The following NTM variants were observed in gnomAD, a reference collection of about 807,000 sequenced individuals.
NTM encodes neurotrimin.
A neutral mutation model predicts 42.1 loss-of-function variants in NTM; 13 were observed. That is an observed-to-expected ratio of 0.31 (90% CI 0.20 to 0.49). The LOEUF is 0.49. NTM is among the 20% of genes least tolerant of loss of function. The probability of loss-of-function intolerance (pLI) is 0.99; values close to 1 mark genes in which losing one functional copy is unlikely to be tolerated. For missense variants in NTM, 373 were observed against 452.8 expected (o/e 0.82, Z 1.60); for synonymous variants, 187 against 179.2 (o/e 1.04, Z -0.35).
At chr11:131,823,982 A>G (rs1266608134) in intron 1 of NTM, among the ~76,000 whole-genome samples, 3 of 152,210 alleles carry the variant, frequency 2.0e-5, no homozygotes, top group Non-Finnish European at 4.4e-5. Flanking sequence ...TGTTGGTTGC[A>G]TTTAAGTGCT....
intron 4 of NTM, among the ~76,000 whole-genome samples, chr11:132,225,579 T>C (rs2086060760): frequency 6.6e-6 from 1 of 152,200 alleles, no homozygotes; most frequent in Admixed American, 6.5e-5. Context: ...AGAGCCCCTA[T>C]AGTCAGTTCA....
At chr11:131,457,624 G>C (rs1251022876) in intron 1 of NTM, among the ~76,000 whole-genome samples, 1 of 152,178 alleles carries the variant, frequency 6.6e-6, no homozygotes, top group Non-Finnish European at 1.5e-5. Context: ...AAACGGATAC[G>C]TTAAGTAGGT....
chr11:132,231,174 G>A (rs188150437), intron 4 of NTM, among the ~76,000 whole-genome samples: 16 of 152,264 alleles, frequency 1.1e-4, no homozygotes, highest in Non-Finnish European at 1.5e-4. Flanking sequence ...GTAAAGTGCC[G>A]GATGTGGCAA....
intron 2 of NTM, among the ~76,000 whole-genome samples, chr11:132,120,712 T>G (rs1458565796): frequency 6.6e-6 from 1 of 152,144 alleles, no homozygotes; most frequent in African/African-American, 2.4e-5. Flanking sequence ...GGCGTTAATA[T>G]CCACAGGAGT....
intron 2 of NTM, among the ~76,000 whole-genome samples, chr11:131,947,003 C>T (rs114427396): frequency 0.018 from 2,672 of 152,134 alleles, 87 homozygotes; most frequent in African/African-American, 0.06. Flanking sequence ...TGAAAATTAC[C>T]TAATATAAAG....
chr11:131,485,959 C>G (rs779302958), intron 1 of NTM, among the ~76,000 whole-genome samples: 4 of 152,106 alleles, frequency 2.6e-5, no homozygotes, highest in Non-Finnish European at 5.9e-5. Context: ...CAAATTATTT[C>G]TTTGAGCATG....
chr11:132,235,993 GACACACACACACAC>G (rs367555812), intron 4 of NTM, among the ~76,000 whole-genome samples: 2 of 101,200 alleles, frequency 2.0e-5, no homozygotes. Flanking sequence ...CACACACACA[GACACACACACACAC>G]ACACACACAC....
chr11:131,760,469 G>T (rs530835420), intron 1 of NTM, among the ~76,000 whole-genome samples: 1 of 152,172 alleles, frequency 6.6e-6, no homozygotes, highest in Non-Finnish European at 1.5e-5. Context: ...TCAGCATGGC[G>T]CATTGTTAAA....
At chr11:131,826,727 G>A (rs989548642) in intron 1 of NTM, among the ~76,000 whole-genome samples, 2 of 152,094 alleles carry the variant, frequency 1.3e-5, no homozygotes, top group African/African-American at 4.8e-5. Flanking sequence ...AGGGTGGTTA[G>A]TGGTTCAGTC....
At chr11:132,319,425 C>G (rs1417263674) in intron 7 of NTM, among the ~76,000 whole-genome samples, 1 of 152,222 alleles carries the variant, frequency 6.6e-6, no homozygotes, top group Non-Finnish European at 1.5e-5. Flanking sequence ...CACCCTAATA[C>G]TGTGCTTTTC....
chr11:131,726,122 C>T (rs1303977722), intron 1 of NTM, among the ~76,000 whole-genome samples: 1 of 152,152 alleles, frequency 6.6e-6, no homozygotes, highest in African/African-American at 2.4e-5. Flanking sequence ...GAAAAAATTA[C>T]ATGAGAAAAG....
chr11:131,667,197 G>A (rs188212102), intron 1 of NTM, among the ~76,000 whole-genome samples: 41 of 152,222 alleles, frequency 2.7e-4, no homozygotes, highest in Admixed American at 2.5e-3. Context: ...CCCCAATTCT[G>A]GGCAGAATCT....
intron 1 of NTM, among the ~76,000 whole-genome samples, chr11:131,822,011 T>C (rs191770684): frequency 2.2e-4 from 33 of 152,316 alleles, no homozygotes; most frequent in African/African-American, 6.5e-4. Flanking sequence ...TTCCTTCCTT[T>C]ATCAATAAAA....
At chr11:131,727,943 C>T (rs1333163276) in intron 1 of NTM, among the ~76,000 whole-genome samples, 1 of 152,268 alleles carries the variant, frequency 6.6e-6, no homozygotes, top group East Asian at 1.9e-4. Flanking sequence ...AAATAAGCTG[C>T]ATGAGAGCAG....
chr11:132,233,222 C>T (rs2088011538), intron 4 of NTM, among the ~76,000 whole-genome samples: 1 of 39,434 alleles, frequency 2.5e-5, no homozygotes. Flanking sequence ...TTCAAGACCA[C>T]CTGGCCAACA....
intron 3 of NTM, among the ~76,000 whole-genome samples, chr11:132,186,358 T>C (rs1358942142): frequency 6.6e-6 from 1 of 152,160 alleles, no homozygotes; most frequent in Non-Finnish European, 1.5e-5. Context: ...CCCCTATGAA[T>C]ACACTAGCTT....
At chr11:131,776,384 A>T (rs1350211134) in intron 1 of NTM, among the ~76,000 whole-genome samples, 1 of 152,162 alleles carries the variant, frequency 6.6e-6, no homozygotes, top group East Asian at 1.9e-4. Context: ...AGAGCAACAT[A>T]TGCTAGCATT....
chr11:132,313,143 A>C (rs558459076), intron 6 of NTM, among the ~76,000 whole-genome samples: 4 of 148,972 alleles, frequency 2.7e-5, no homozygotes, highest in African/African-American at 4.9e-5. Context: ...AGGTCTTCAG[A>C]TAATGACAAA....
At position 131,992,553 on chromosome 11, in the gene NTM, C is replaced by A. The variant is rs147363410; in HGVS notation, c.167+80905C>A. On this transcript the variant is annotated intron_variant, in intron 2 of 8. Coordinates refer to ENST00000683400, the MANE Select transcript of NTM (RefSeq NM_001352005.2). Reference sequence around the variant, plus strand: ...AGGACAGGAATCGCATCAGGGACCTCAATTCTGCTGTTTTCTCATGGCTTT... The same window carrying A: ...AGGACAGGAATCGCATCAGGGACCTAAATTCTGCTGTTTTCTCATGGCTTT... Among the ~76,000 whole-genome samples the A allele has an allele frequency of 5.0e-3, 757 of 152,206 alleles. 5 individuals are homozygous for A. The highest frequency in any genetic ancestry group is 8.7e-3 in the Non-Finnish European group (595 of 68,014).
Sources: allele counts gnomAD v4.1 joint callset (sites outside exome capture counted in the v4.1 genomes callset), GRCh38; gene constraint gnomAD v4.1.1; transcripts MANE v1.5; gene names NCBI Gene and HGNC (gene_info 2026-07-23, HGNC 2026-07-21).